The following FAF1 variants were observed in gnomAD, a reference collection of about 807,000 sequenced individuals.
FAF1 encodes the protein Fas associated factor 1.
In FAF1, 25 loss-of-function variants were observed where a neutral mutation model predicts 92.5. The observed-to-expected ratio is 0.27, with a 90% CI of 0.20 to 0.38. The LOEUF (loss-of-function observed/expected upper bound fraction) is 0.38, where lower values mean the gene tolerates loss of function less well. FAF1 is among the 10% of genes least tolerant of loss of function. The pLI is 1.00. For synonymous variants in FAF1, 234 were observed against 273.2 expected, an observed-to-expected ratio of 0.86 and a Z score of 1.42; for missense variants, 636 against 793.3, an observed-to-expected ratio of 0.80 and a Z score of 2.38.
intron 8 of FAF1, among the ~76,000 whole-genome samples, chr1:50,649,839 C>T (rs1293498211): frequency 6.6e-6 from 1 of 151,174 alleles, no homozygotes; most frequent in Admixed American, 6.6e-5. Flanking sequence ...ATGGCACGTG[C>T]CTGTAGTCCT....
intron 13 of FAF1, among the ~76,000 whole-genome samples, chr1:50,546,582 T>C (rs566480358): frequency 6.6e-6 from 1 of 152,180 alleles, no homozygotes; most frequent in African/African-American, 2.4e-5. Context: ...GTCAGGTTGG[T>C]CTCGAACTCC....
At chr1:50,746,944 T>C (rs1255204215) in intron 4 of FAF1, among the ~76,000 whole-genome samples, 1 of 152,148 alleles carries the variant, frequency 6.6e-6, no homozygotes, top group East Asian at 1.9e-4. Context: ...TGGGTACTGT[T>C]TGGGCCGCTG....
At chr1:50,490,334 T>C (rs538157350) in intron 17 of FAF1, among the ~76,000 whole-genome samples, 23 of 148,884 alleles carry the variant, frequency 1.5e-4, no homozygotes, top group Non-Finnish European at 2.8e-4. Flanking sequence ...TGAGCCCAGA[T>C]GGTGCCACTG....
intron 8 of FAF1, among the ~76,000 whole-genome samples, chr1:50,603,547 G>A (rs1167154642): frequency 6.6e-6 from 1 of 152,166 alleles, no homozygotes; most frequent in East Asian, 1.9e-4. Flanking sequence ...TGAGTCATGA[G>A]GCTAAAATTT....
At chr1:50,592,569 A>G (rs143286078) in intron 9 of FAF1, among the ~76,000 whole-genome samples, 14 of 152,316 alleles carry the variant, frequency 9.2e-5, no homozygotes, top group African/African-American at 2.4e-4. Flanking sequence ...ATATAACTAC[A>G]ATCCATAAAG....
chr1:50,875,716 G>T (rs1471584613), intron 1 of FAF1, among the ~76,000 whole-genome samples: 2 of 152,108 alleles, frequency 1.3e-5, no homozygotes, highest in Non-Finnish European at 2.9e-5. Flanking sequence ...CTTCCAAAGT[G>T]CTGGGATTAC....
chr1:50,512,743 TTAAAG>T (rs1647153375), intron 15 of FAF1, among the ~76,000 whole-genome samples: 1 of 152,220 alleles, frequency 6.6e-6, no homozygotes, highest in Admixed American at 6.5e-5. Context: ...CATATGATAC[TTAAAG>T]TAGTTTTTTC....
chr1:50,539,253 A>T (rs141559282), intron 14 of FAF1, among the ~76,000 whole-genome samples: 2 of 152,302 alleles, frequency 1.3e-5, no homozygotes, highest in African/African-American at 4.8e-5. Flanking sequence ...CTTCCAATTA[A>T]TCAACATTAT....
chr1:50,753,747 AT>A (rs1659962382), intron 4 of FAF1, among the ~76,000 whole-genome samples: 1 of 146,020 alleles, frequency 6.8e-6, no homozygotes, highest in African/African-American at 2.5e-5. Context: ...CTCTAATGTC[AT>A]TATCTGTTCT....
intron 5 of FAF1, among the ~76,000 whole-genome samples, chr1:50,741,531 G>A (rs1271773099): frequency 6.6e-6 from 1 of 152,232 alleles, no homozygotes; most frequent in Non-Finnish European, 1.5e-5. Flanking sequence ...CTGCTGTGTG[G>A]AGAATGCACT....
At chr1:50,602,503 C>CTTTTT (rs1424715054) in intron 8 of FAF1, among the ~76,000 whole-genome samples, 1 of 136,702 alleles carries the variant, frequency 7.3e-6, no homozygotes, top group Non-Finnish European at 1.6e-5. Context: ...TAAAGTATTG[C>CTTTTT]TTTTTTTTTT....
At chr1:50,506,142 A>T (rs1239209422) in intron 15 of FAF1, among the ~76,000 whole-genome samples, 1 of 152,234 alleles carries the variant, frequency 6.6e-6, no homozygotes, top group African/African-American at 2.4e-5. Flanking sequence ...TATCTAGGAC[A>T]AGTGGAGGAA....
chr1:50,703,023 A>AT (rs1491272880), intron 7 of FAF1, among the ~76,000 whole-genome samples: 1 of 150,622 alleles, frequency 6.6e-6, no homozygotes, highest in East Asian at 1.9e-4. Flanking sequence ...ATATATATAT[A>AT]AAATACACTA....
intron 8 of FAF1, chr1:50,612,626 T>C (rs1652732330): frequency 3.3e-6 from 1 of 302,220 alleles, no homozygotes; most frequent in Non-Finnish European, 4.9e-6. Flanking sequence ...CAGCAGCATC[T>C]AATTCCTTGG....
chr1:50,959,773 A>G lies in FAF1; in HGVS notation c.39T>C (p.Asp13=). Residue 13 remains aspartate (D), a synonymous_variant, in exon 1 of 19, where the codon GAT becomes GAC. Coordinates refer to ENST00000396153, the MANE Select transcript of FAF1 (RefSeq NM_007051.3). ...AGAGGGCCAGATACTTCACCTGAAA[A>G]TCCGCCAGGATCATCTCCCGGTCCA... ...SNMDREMILA[D]FQACTGIENI... is the part of the protein sequence containing the mutation. The G allele has an allele frequency of 6.2e-7, 1 of 1,600,456 alleles. No homozygotes were observed. Among genetic ancestry groups the G allele is most frequent in the Non-Finnish European group, 8.5e-7 (1 of 1,172,926 alleles).
intron 1 of FAF1, among the ~76,000 whole-genome samples, chr1:50,945,042 T>C (rs1383923138): frequency 6.6e-6 from 1 of 152,120 alleles, no homozygotes; most frequent in Non-Finnish European, 1.5e-5. Context: ...CAGAAATCGT[T>C]GAGTCAATTT....
In FAF1 at chr1:50,583,339, G is replaced by T. The variant is rs1481868208; in HGVS notation, c.1031+313C>A. The stretch of plus-strand genomic sequence containing the variant: ...TATTATTTTAAAGGATTTTCCATTT[G>T]ACTGTCCTAAGATATACTAAAAATT... On this transcript the variant is annotated intron_variant, in intron 11 of 18. Coordinates refer to ENST00000396153, the MANE Select transcript of FAF1 (RefSeq NM_007051.3). The surrounding 1 kb of genome is among the most constrained non-coding windows in gnomAD (Gnocchi z 4.2). Among the ~76,000 whole-genome samples, 1 of 151,688 alleles carries T rather than the reference G, an allele frequency of 6.6e-6. No individual in the cohort carries two copies. The highest frequency in any genetic ancestry group is 1.9e-4 in the East Asian group (1 of 5,200).
intron 2 of FAF1, among the ~76,000 whole-genome samples, chr1:50,802,880 T>G (rs1484517245): frequency 6.6e-6 from 1 of 152,240 alleles, no homozygotes; most frequent in Non-Finnish European, 1.5e-5. Context: ...TTGGGTATTT[T>G]GTGAAATACT....
intron 13 of FAF1, among the ~76,000 whole-genome samples, chr1:50,550,278 G>A (rs1649247729): frequency 6.6e-6 from 1 of 150,820 alleles, no homozygotes; most frequent in Non-Finnish European, 1.5e-5. Flanking sequence ...GTGAACCCAG[G>A]AGGCAGAGCT....
Sources: allele counts gnomAD v4.1 joint callset (sites outside exome capture counted in the v4.1 genomes callset), GRCh38; gene constraint gnomAD v4.1.1; non-coding constraint Gnocchi (gnomAD v3.1); transcripts MANE v1.5; gene names NCBI Gene and HGNC (gene_info 2026-07-23, HGNC 2026-07-21).